The following CNTN5 variants were observed in gnomAD, a reference collection of about 807,000 sequenced individuals.
The protein encoded by CNTN5 is contactin-5.
CNTN5 carries 77 observed loss-of-function variants against 129.1 expected under a neutral mutation model. That is an observed-to-expected ratio of 0.60 (90% confidence interval 0.50 to 0.72). CNTN5 has a LOEUF of 0.72. Among genes scored for constraint, CNTN5 ranks in the 30% least tolerant of loss-of-function variants. The pLI is 0.00. For synonymous variants in CNTN5, 509 were observed against 465.6 expected (o/e 1.09, Z -1.20); for missense variants, 1,478 against 1,328.8 (o/e 1.11, Z -1.75).
intron 1 of CNTN5, among the ~76,000 whole-genome samples, chr11:99,197,133 T>C (rs1858941559): frequency 6.6e-6 from 1 of 151,892 alleles, no homozygotes; most frequent in East Asian, 1.9e-4. Context: ...TTTGGAATAT[T>C]TTACAAATTG....
At chr11:99,465,205 C>T (rs1944883385) in intron 2 of CNTN5, among the ~76,000 whole-genome samples, 1 of 152,174 alleles carries the variant, frequency 6.6e-6, no homozygotes, top group Admixed American at 6.5e-5. Context: ...AATACTTCAC[C>T]TATTTGTTTC....
At chr11:100,026,587 A>G (rs1301723262) in intron 9 of CNTN5, among the ~76,000 whole-genome samples, 1 of 152,186 alleles carries the variant, frequency 6.6e-6, no homozygotes, top group Admixed American at 6.5e-5. Context: ...AAGGCTGTGT[A>G]GTAGTGTTTC....
intron 9 of CNTN5, among the ~76,000 whole-genome samples, chr11:100,023,815 C>T (rs553181749): frequency 2.0e-5 from 3 of 152,082 alleles, no homozygotes; most frequent in African/African-American, 7.2e-5. Context: ...TAAGTTTTCT[C>T]CATGTCTTTT....
chr11:99,842,921 T>G (rs1418059981), intron 4 of CNTN5, among the ~76,000 whole-genome samples: 1 of 152,184 alleles, frequency 6.6e-6, no homozygotes, highest in Non-Finnish European at 1.5e-5. Flanking sequence ...TGTAGTATTT[T>G]GCTCGTAGCT....
At chr11:99,976,787 C>T (rs529873856) in intron 8 of CNTN5, among the ~76,000 whole-genome samples, 2 of 152,350 alleles carry the variant, frequency 1.3e-5, no homozygotes, top group South Asian at 4.1e-4. Context: ...GCAAAGACCT[C>T]TAACATGCCC....
chr11:100,048,556 A>G (rs966979340), intron 9 of CNTN5, among the ~76,000 whole-genome samples: 1 of 152,168 alleles, frequency 6.6e-6, no homozygotes, highest in Non-Finnish European at 1.5e-5. Context: ...TGAAAGTTTT[A>G]GAATAAAAAA....
intron 21 of CNTN5, 182 bp downstream of exon 21, chr11:100,308,650 T>G (rs548873710): frequency 7.7e-7 from 1 of 1,305,354 alleles, no homozygotes; most frequent in African/African-American, 1.5e-5. Flanking sequence ...AACTGGTTTA[T>G]TTTTCAGTAC....
At chr11:99,228,583 G>A (rs1213753091) in intron 1 of CNTN5, among the ~76,000 whole-genome samples, 3 of 151,990 alleles carry the variant, frequency 2.0e-5, no homozygotes, top group African/African-American at 4.8e-5. Flanking sequence ...GTAACAAAAT[G>A]TTACATGTAC....
At chr11:99,115,766 GAAC>G (rs948761140) in intron 1 of CNTN5, among the ~76,000 whole-genome samples, 13 of 151,550 alleles carry the variant, frequency 8.6e-5, no homozygotes, top group Admixed American at 2.0e-4. Flanking sequence ...GTCTCAAAGG[GAAC>G]AACAACAACA....
intron 3 of CNTN5, among the ~76,000 whole-genome samples, chr11:99,566,219 T>G (rs937693923): frequency 2.0e-5 from 3 of 151,876 alleles, no homozygotes; most frequent in Non-Finnish European, 4.4e-5. Context: ...TTTAAAAGAG[T>G]GTGGCACCTT....
intron 1 of CNTN5, among the ~76,000 whole-genome samples, chr11:99,236,614 C>A (rs1395394683): frequency 6.6e-6 from 1 of 151,952 alleles, no homozygotes; most frequent in Admixed American, 6.6e-5. Context: ...TGGTAAAATG[C>A]AGATAGTTAT....
At chr11:100,007,172 TTTG>T (rs540263519) in intron 9 of CNTN5, among the ~76,000 whole-genome samples, 113 of 152,210 alleles carry the variant, frequency 7.4e-4, no homozygotes, top group South Asian at 3.3e-3. Flanking sequence ...GTCACCAGGC[TTTG>T]TTGTTCCATT....
intron 3 of CNTN5, among the ~76,000 whole-genome samples, chr11:99,707,358 A>T (rs901935636): frequency 4.0e-5 from 6 of 151,726 alleles, no homozygotes; most frequent in African/African-American, 4.8e-5. Flanking sequence ...AACCTAAAAA[A>T]ATAATAATTA....
chr11:99,266,267 T>C (rs970372526), intron 1 of CNTN5, among the ~76,000 whole-genome samples: 1 of 152,092 alleles, frequency 6.6e-6, no homozygotes, highest in Non-Finnish European at 1.5e-5. Flanking sequence ...GCATATACAT[T>C]GTATTAGATA....
rs200529995 is a variant in CNTN5 at position 100,341,110 on chromosome 11, A to G, written c.2935A>G (p.Ser979Gly). The change falls in exon 23 of 25, where the codon AGC becomes GGC. Residue 979 changes from serine to glycine, a missense_variant. Coordinates refer to ENST00000524871, the MANE Select transcript of CNTN5 (RefSeq NM_014361.4). The stretch of plus-strand genomic sequence containing the variant: ...TTTTGCAGCTCCTAGTCAAGCACCT[A>G]GCAACCTCAGGTGGGAGCAGCAAGG... ...TKKSPPSQAP[S>G]NLRWEQQGSQ... 181 of 1,613,362 alleles carry G rather than the reference A, an allele frequency of 1.1e-4. No individual in the cohort carries two copies. The highest frequency in any genetic ancestry group is 1.4e-4 in the Non-Finnish European group (163 of 1,179,446).
intron 1 of CNTN5, among the ~76,000 whole-genome samples, chr11:99,187,883 T>G (rs924291948): frequency 6.8e-6 from 1 of 147,966 alleles, no homozygotes; most frequent in African/African-American, 2.4e-5. Context: ...CATTATACAT[T>G]TAAGAAAGTC....
chr11:99,555,734 C>T (rs910208492), intron 2 of CNTN5, among the ~76,000 whole-genome samples: 2 of 151,720 alleles, frequency 1.3e-5, no homozygotes, highest in Admixed American at 6.6e-5. Context: ...CTTGGCCAAC[C>T]GATCATTAGT....
At position 99,051,473 on chromosome 11, in the gene CNTN5, G is replaced by A. The variant is rs767812809; in HGVS notation, c.-210+30203G>A. 5.3e-5 allele frequency among the ~76,000 whole-genome samples: 8 copies of A among 151,674 alleles called. No homozygotes were observed. In the South Asian group the frequency reaches 6.2e-4, roughly 12 times the overall value. On this transcript the variant is annotated intron_variant, in intron 1 of 24. Transcript: ENST00000524871. ...GCATATCATTCATAAATTTTTCTGC[G>A]GTGATTTCATTTTACATGACAAAAA...
intron 1 of CNTN5, among the ~76,000 whole-genome samples, chr11:99,307,256 A>T (rs564247530): frequency 4.7e-4 from 71 of 152,318 alleles, no homozygotes; most frequent in Admixed American, 7.8e-4. Context: ...CAAGTTAAAT[A>T]TTCTTTCTAA....
Sources: allele counts gnomAD v4.1 joint callset (sites outside exome capture counted in the v4.1 genomes callset), GRCh38; gene constraint gnomAD v4.1.1; transcripts MANE v1.5; gene names NCBI Gene and HGNC (gene_info 2026-07-23, HGNC 2026-07-21).